Variants in NUP210L observed in about 807,000 individuals in gnomAD.
NUP210L encodes nucleoporin 210 like.
NUP210L carries 74 observed loss-of-function variants against 208.5 expected under a neutral mutation model. The ratio of observed to expected loss-of-function variants is 0.35; its 90% CI spans 0.29 to 0.43. The LOEUF is 0.43. NUP210L is among the 20% of genes least tolerant of loss of function. The pLI is 1.00. For missense variants in NUP210L, 1,843 were observed against 2,289.4 expected (o/e 0.81, Z 3.98); for synonymous variants, 780 against 816.9 (o/e 0.95, Z 0.77).
chr1:154,132,395 G>A (rs1228294611), intron 7 of NUP210L, among the ~76,000 whole-genome samples: 3 of 151,992 alleles, frequency 2.0e-5, no homozygotes, highest in Admixed American at 6.6e-5. Flanking sequence ...ATTTCTGCTT[G>A]GATATCTATC....
chr1:154,060,164 G>C (rs992942479), intron 20 of NUP210L, among the ~76,000 whole-genome samples: 1 of 152,090 alleles, frequency 6.6e-6, no homozygotes, highest in Non-Finnish European at 1.5e-5. Context: ...GTTTGAACCT[G>C]GGAGGTGGAG....
intron 12 of NUP210L, among the ~76,000 whole-genome samples, chr1:154,115,691 T>G (rs1433208376): frequency 6.6e-6 from 1 of 152,198 alleles, no homozygotes; most frequent in African/African-American, 2.4e-5. Flanking sequence ...TCTTCCTAGT[T>G]ATACTTTAAA....
At chr1:154,075,183 T>C (rs1031312311) in intron 16 of NUP210L, among the ~76,000 whole-genome samples, 2 of 152,204 alleles carry the variant, frequency 1.3e-5, no homozygotes, top group African/African-American at 4.8e-5. Context: ...TGTTTGTACA[T>C]CACTATTGGG....
intron 20 of NUP210L, 95 bp from the exon 21 acceptor site, chr1:154,058,788 C>G (rs1654000156): frequency 7.7e-7 from 1 of 1,300,132 alleles, no homozygotes; most frequent in Non-Finnish European, 1.1e-6. Flanking sequence ...TAGAAAACAT[C>G]TTGCTTTCTT....
intron 27 of NUP210L, among the ~76,000 whole-genome samples, chr1:154,036,314 ATGTGTGTGTGTGTGTGTGTGTGTGTG>A (rs57011341): frequency 1.2e-4 from 13 of 108,156 alleles, no homozygotes; most frequent in Admixed American, 5.9e-4. Context: ...CAGTTGGAAC[ATGTGTGTGTGTGTGTGTGTGTGTGTG>A]TGTGTGTGTG....
At chr1:154,100,453 A>AC (rs1247864144) in intron 13 of NUP210L, among the ~76,000 whole-genome samples, 1 of 151,094 alleles carries the variant, frequency 6.6e-6, no homozygotes, top group African/African-American at 2.4e-5. Context: ...TACCTAAAAA[A>AC]AAAAAAAAAC....
intron 10 of NUP210L, among the ~76,000 whole-genome samples, chr1:154,125,701 GGA>G: frequency 3.4e-5 from 1 of 29,236 alleles, no homozygotes; most frequent in African/African-American, 8.8e-5. Context: ...AAGGAAGGAA[GGA>G]AGGAAGGAAG....
rs199542201 is a variant in NUP210L, at chr1:154,107,916, TAATAG to T, written c.1621-3711_1621-3707del. 1.0e-3 allele frequency among the ~76,000 whole-genome samples: 158 copies of T among 150,896 alleles called. 1 individual carries two copies. Among genetic ancestry groups the T allele is most frequent in the East Asian group, 9.0e-3 (46 of 5,134 alleles). On this transcript the variant is annotated intron_variant, in intron 12 of 39. Coordinates refer to ENST00000368559, the Ensembl canonical transcript of NUP210L. ...CAGTTAGCGGAGACTAAAGAAAAAA[TAATAG>T]AAAAGAATGAAGTTCTAGAAAATGG...
intron 25 of NUP210L, among the ~76,000 whole-genome samples, chr1:154,053,059 C>G (rs1653615381): frequency 6.6e-6 from 1 of 152,212 alleles, no homozygotes; most frequent in East Asian, 1.9e-4. Flanking sequence ...CTATTAATGG[C>G]TCTTAATAAG....
intron 16 of NUP210L, among the ~76,000 whole-genome samples, chr1:154,078,461 G>T (rs1655153573): frequency 1.3e-5 from 2 of 151,870 alleles, no homozygotes; most frequent in African/African-American, 4.8e-5. Context: ...TGGATGTGGT[G>T]GCACACACCT....
chr1:154,060,999 T>G (rs1654106497), exon 19 of NUP210L: 1 of 1,613,742 alleles, frequency 6.2e-7, no homozygotes, highest in African/African-American at 1.3e-5. Context: ...TTACATCATC[T>G]ACCAGGAGCA....
intron 16 of NUP210L, among the ~76,000 whole-genome samples, chr1:154,076,739 T>C (rs948515772): frequency 1.3e-5 from 2 of 151,982 alleles, no homozygotes; most frequent in East Asian, 3.9e-4. Flanking sequence ...CCATCATACG[T>C]ACCAGTATAT....
Position 153,992,888 on chromosome 1 carries a change from G to A in NUP210L, c.5614C>T (p.Pro1872Ser), listed in dbSNP as rs779807031. 4 of 1,613,668 alleles carry A rather than the reference G, an allele frequency of 2.5e-6. No individual in the cohort carries two copies. The Admixed American group carries it at 6.7e-5, about 27-fold the overall frequency. ...TGCAGCCGACTTTGGGCCAATGGAG[G>A]TTGTAGACTCATGAAGTGAGGGGGA... is the stretch of plus-strand genomic sequence containing the variant. Residue 1872 changes from proline to serine, a missense_variant, in exon 40 of 40, where the codon CCT becomes TCT. By Grantham distance (74) the Pro-to-Ser change is moderately conservative. This residue lies in a region of NUP210L where 108 missense variants were observed against 91.1 expected (regional missense o/e 1.18). Coordinates refer to ENST00000368559, the Ensembl canonical transcript of NUP210L.
intron 2 of NUP210L, among the ~76,000 whole-genome samples, chr1:154,144,314 T>C (rs1659012605): frequency 6.6e-6 from 1 of 152,204 alleles, no homozygotes. Context: ...TAATGGTGTT[T>C]AGTAGATTTT....
At chr1:154,000,056 C>T in intron 37 of NUP210L, among the ~76,000 whole-genome samples, 1 of 152,004 alleles carries the variant, frequency 6.6e-6, no homozygotes, top group Non-Finnish European at 1.5e-5. Flanking sequence ...GTCTTGAACT[C>T]CTGAGCTCAA....
chr1:154,116,809 G>T (rs1571292896), intron 12 of NUP210L, among the ~76,000 whole-genome samples: 1 of 152,218 alleles, frequency 6.6e-6, no homozygotes, highest in East Asian at 1.9e-4. Context: ...TTTAGTAACA[G>T]ATTGACAAAC....
intron 35 of NUP210L, among the ~76,000 whole-genome samples, chr1:154,008,258 G>A (rs1297873462): frequency 2.0e-5 from 3 of 151,228 alleles, no homozygotes; most frequent in Non-Finnish European, 4.4e-5. Flanking sequence ...AACACTAAAA[G>A]TTAAAAGCTT....
chr1:154,154,003 T>G (rs1339640508), intron 1 of NUP210L, among the ~76,000 whole-genome samples: 1 of 152,174 alleles, frequency 6.6e-6, no homozygotes, highest in Non-Finnish European at 1.5e-5. Context: ...GGTTAGGTTC[T>G]CTCATACCTT....
At chr1:154,134,940 G>A (rs1236603718) in intron 7 of NUP210L, among the ~76,000 whole-genome samples, 2 of 151,758 alleles carry the variant, frequency 1.3e-5, no homozygotes, top group Admixed American at 1.3e-4. Flanking sequence ...GTTTCTTCAT[G>A]TTGGTCAAGC....
Sources: gnomAD v4.1 joint callset for allele counts (sites outside exome capture counted in the v4.1 genomes callset) on GRCh38, gnomAD v4.1.1 for gene constraint, gnomAD v4.1.1 regional missense constraint, MANE v1.5 for transcripts, NCBI Gene and HGNC (gene_info 2026-07-23, HGNC 2026-07-21) for gene names.